The following GLB1 variants were observed in gnomAD, a reference collection of about 807,000 sequenced individuals.
The protein encoded by GLB1 is galactosidase beta 1.
GLB1 carries 56 observed loss-of-function variants against 74.0 expected under a neutral mutation model. The observed-to-expected ratio is 0.76, with a 90% CI of 0.61 to 0.94. GLB1 has a LOEUF of 0.94. Among genes scored for constraint, GLB1 ranks in the 40% least tolerant of loss-of-function variants. The pLI is 0.00. For missense variants in GLB1, 787 were observed against 845.5 expected (o/e 0.93, Z 0.86); for synonymous variants, 323 against 323.6 (o/e 1.00, Z 0.02).
chr3:32,966,966 A>G, the GLB1 span, among the ~76,000 whole-genome samples: 328 of 152,266 alleles, frequency 2.2e-3, no homozygotes, highest in African/African-American at 7.6e-3. Context: ...TCTTTCCTTT[A>G]TAAATTACCC....
chr3:33,058,863 A>G, intron 5 of GLB1, among the ~76,000 whole-genome samples: 1 of 152,258 alleles, frequency 6.6e-6, no homozygotes, highest in East Asian at 1.9e-4. Context: ...TGCCAGGGAC[A>G]GACACAGCAT....
intron 9 of GLB1, among the ~76,000 whole-genome samples, chr3:33,046,904 AT>A (rs1308379042): frequency 3.3e-5 from 5 of 152,156 alleles, no homozygotes; most frequent in Admixed American, 6.5e-5. Context: ...GTCTGCTGAC[AT>A]TTCTCAGATG....
chr3:33,077,022 A>C, intron 1 of GLB1: 1 of 1,253,200 alleles, frequency 8.0e-7, no homozygotes, highest in Middle Eastern at 2.8e-4. Flanking sequence ...CCAGGAGTTC[A>C]AGACCAGTCT....
chr3:32,986,416 T>C, the GLB1 span, among the ~76,000 whole-genome samples: 1 of 152,226 alleles, frequency 6.6e-6, no homozygotes, highest in African/African-American at 2.4e-5. Flanking sequence ...CACAGAAATA[T>C]TGGGCAAATA....
chr3:32,981,458 A>T, the GLB1 span, among the ~76,000 whole-genome samples: 9 of 149,606 alleles, frequency 6.0e-5, no homozygotes, highest in Non-Finnish European at 1.3e-4. Context: ...GGTCTTCTGT[A>T]TCTCTTTTTA....
chr3:33,028,142 G>A (rs1697850580), intron 10 of GLB1, among the ~76,000 whole-genome samples: 1 of 152,110 alleles, frequency 6.6e-6, no homozygotes. Context: ...GAACTCAAGC[G>A]ATCCTCCCAC....
the GLB1 span, among the ~76,000 whole-genome samples, chr3:32,971,475 C>T: frequency 6.6e-6 from 1 of 152,222 alleles, no homozygotes; most frequent in African/African-American, 2.4e-5. Context: ...TAGGAATTTC[C>T]TCATGCTATG....
chr3:33,025,886 T>A (rs1697726538), intron 10 of GLB1, among the ~76,000 whole-genome samples: 1 of 152,184 alleles, frequency 6.6e-6, no homozygotes, highest in African/African-American at 2.4e-5. Context: ...CTGCCGCTGT[T>A]GACCCTGGCC....
chr3:33,030,909 G>C, intron 10 of GLB1: 5 of 753,988 alleles, frequency 6.6e-6, no homozygotes, highest in Non-Finnish European at 8.1e-6. Context: ...GAATCAGTAG[G>C]GAAGAGGAGG....
At chr3:33,056,628 A>G (rs1699234874) in intron 6 of GLB1, among the ~76,000 whole-genome samples, 1 of 152,172 alleles carries the variant, frequency 6.6e-6, no homozygotes, top group South Asian at 2.1e-4. Context: ...TGTTGTAAGA[A>G]TAGTACAAAA....
In GLB1 at chr3:33,058,116, G is replaced by C; in HGVS notation, c.706C>G (p.Leu236Val). 6.2e-7 allele frequency: 1 copy of C among 1,613,922 alleles called. No individual in the cohort carries two copies. The highest frequency in any genetic ancestry group is 8.5e-7 in the Non-Finnish European group (1 of 1,180,008). The change falls in exon 6 of 16, where the codon CTC becomes GTC. Residue 236 changes from leucine (L) to valine (V), a missense_variant. Transcript: ENST00000307363. ...GTTCCAAAGTCCACCGTGGTGTAGA[G>C]GCCCTGCAGGGCCCCACATTTCAGG... Reference protein sequence around the residue: ...TFLKCGALQGLYTTVDFGTGS... With the variant: ...TFLKCGALQGVYTTVDFGTGS...
At chr3:33,051,367 T>C (rs1236492866) in intron 9 of GLB1, among the ~76,000 whole-genome samples, 1 of 148,014 alleles carries the variant, frequency 6.8e-6, no homozygotes, top group Non-Finnish European at 1.5e-5. Context: ...GAGGCCAAAG[T>C]GGGAGGATCA....
intron 9 of GLB1, among the ~76,000 whole-genome samples, chr3:33,048,004 G>A (rs1698810929): frequency 6.6e-6 from 1 of 151,988 alleles, no homozygotes; most frequent in Admixed American, 6.5e-5. Flanking sequence ...CTTCTTTGTG[G>A]CCCTCGTCTG....
At chr3:33,007,632 G>A (rs912949374) in intron 15 of GLB1, among the ~76,000 whole-genome samples, 6 of 152,332 alleles carry the variant, frequency 3.9e-5, no homozygotes, top group African/African-American at 1.2e-4. Flanking sequence ...CATTTGGGCT[G>A]TTTCCACCTT....
Position 33,039,938 on chromosome 3 carries a change from T to C in GLB1, c.1068+6182A>G, listed in dbSNP as rs539466328. 3.3e-5 allele frequency among the ~76,000 whole-genome samples: 5 copies of C among 152,316 alleles called. No individual in the cohort carries two copies. In the East Asian group the frequency reaches 9.6e-4, roughly 29 times the overall value. On this transcript the variant is annotated intron_variant, in intron 10 of 15. Transcript: ENST00000307363. ...ACAGGTGATTTTTCAAAAGAAATGA[T>C]GGAGGTCATACATACAAATATGGAA... is the stretch of plus-strand genomic sequence containing the variant.
At chr3:33,046,024 G>C (rs933394934) in intron 10 of GLB1, 96 bp downstream of exon 10, 2 of 1,445,958 alleles carry the variant, frequency 1.4e-6, no homozygotes, top group South Asian at 2.4e-5. Flanking sequence ...TTTTAAACAG[G>C]AGGGCTCCAG....
chr3:33,053,572 G>A, intron 6 of GLB1, 23 bp from the exon 7 acceptor site: 1 of 1,614,084 alleles, frequency 6.2e-7, no homozygotes, highest in Non-Finnish European at 8.5e-7. Context: ...AGAGGGAGAA[G>A]GTAGGTCAGT....
chr3:33,031,668 T>C (rs1198555882), intron 10 of GLB1, among the ~76,000 whole-genome samples: 1 of 113,856 alleles, frequency 8.8e-6, no homozygotes, highest in Admixed American at 9.8e-5. Context: ...TATATATATA[T>C]ATATATAATC....
At chr3:32,976,432 G>A in the GLB1 span, among the ~76,000 whole-genome samples, 1 of 152,204 alleles carries the variant, frequency 6.6e-6, no homozygotes, top group Non-Finnish European at 1.5e-5. Context: ...AACCCACACT[G>A]TGTTGCGTCT....
Sources: gnomAD v4.1 joint callset for allele counts (sites outside exome capture counted in the v4.1 genomes callset) on GRCh38, gnomAD v4.1.1 for gene constraint, MANE v1.5 for transcripts, NCBI Gene and HGNC (gene_info 2026-07-23, HGNC 2026-07-21) for gene names.